RTN4R: variants seen among roughly 807,000 people sequenced by gnomAD.
The protein encoded by RTN4R is reticulon-4 receptor.
In RTN4R, 4 loss-of-function variants were observed where a neutral mutation model predicts 27.7. That is an observed-to-expected ratio of 0.14 (90% CI 0.07 to 0.33). The LOEUF is 0.33. Among genes scored for constraint, RTN4R ranks in the 10% least tolerant of loss-of-function variants. The pLI, the probability that RTN4R is intolerant of heterozygous loss-of-function variation, is 1.00. For synonymous variants in RTN4R, 290 were observed against 305.6 expected (o/e 0.95, Z 0.53); for missense variants, 554 against 671.5 (o/e 0.83, Z 1.93).
intron 1 of RTN4R, among the ~76,000 whole-genome samples, chr22:20,263,058 A>T (rs543845454): frequency 6.6e-6 from 1 of 152,350 alleles, no homozygotes; most frequent in Non-Finnish European, 1.5e-5. Flanking sequence ...ACCCAGCCTC[A>T]GCCTTGGCCT....
At chr22:20,260,870 C>T (rs941974272) in intron 1 of RTN4R, among the ~76,000 whole-genome samples, 2 of 152,166 alleles carry the variant, frequency 1.3e-5, no homozygotes, top group African/African-American at 2.4e-5. Flanking sequence ...CAAACTGCGC[C>T]GTAGGCTCCT....
At chr22:20,254,410 C>T (rs2051201060) in intron 1 of RTN4R, among the ~76,000 whole-genome samples, 1 of 150,408 alleles carries the variant, frequency 6.6e-6, no homozygotes, top group Non-Finnish European at 1.5e-5. Context: ...GCCTGGGTGA[C>T]AGAGTGAGAC....
intron 1 of RTN4R, among the ~76,000 whole-genome samples, chr22:20,260,257 C>T (rs2051237306): frequency 6.6e-6 from 1 of 152,180 alleles, no homozygotes; most frequent in African/African-American, 2.4e-5. Context: ...TGGGCTACCA[C>T]CTCATACAGC....
At chr22:20,266,490 C>T (rs1174587660) in intron 1 of RTN4R, among the ~76,000 whole-genome samples, 1 of 152,192 alleles carries the variant, frequency 6.6e-6, no homozygotes, top group Non-Finnish European at 1.5e-5. Context: ...GGAGGCGGGG[C>T]CTCTGCAGTC....
At chr22:20,251,114 GCAC>G (rs2051174374) in intron 1 of RTN4R, among the ~76,000 whole-genome samples, 1 of 152,118 alleles carries the variant, frequency 6.6e-6, no homozygotes, top group Non-Finnish European at 1.5e-5. Context: ...GCCTCTCCCT[GCAC>G]CTTGTATCAG....
intron 1 of RTN4R, among the ~76,000 whole-genome samples, chr22:20,266,882 A>C (rs1321181831): frequency 1.3e-5 from 2 of 152,236 alleles, no homozygotes; most frequent in African/African-American, 4.8e-5. Flanking sequence ...CAAGTTACAC[A>C]CACGCACACA....
chr22:20,244,991 G>A (rs1179301938), intron 1 of RTN4R, among the ~76,000 whole-genome samples: 1 of 152,176 alleles, frequency 6.6e-6, no homozygotes, highest in African/African-American at 2.4e-5. Context: ...TGTGGCTCCA[G>A]GCCCGAAGCT....
intron 1 of RTN4R, among the ~76,000 whole-genome samples, chr22:20,264,856 C>T (rs1014102031): frequency 1.3e-5 from 2 of 152,284 alleles, no homozygotes; most frequent in South Asian, 2.1e-4. Context: ...AGAATGGGGG[C>T]GGGACGGCAT....
intron 1 of RTN4R, among the ~76,000 whole-genome samples, 182 bp downstream of exon 1, chr22:20,267,889 C>T (rs1479428347): frequency 1.3e-5 from 2 of 151,910 alleles, no homozygotes; most frequent in African/African-American, 4.8e-5. Context: ...GCTCCGCCCT[C>T]CCGGGGCCGG....
chr22:20,265,142 G>T (rs1463082450), intron 1 of RTN4R, among the ~76,000 whole-genome samples: 1 of 152,216 alleles, frequency 6.6e-6, no homozygotes, highest in East Asian at 1.9e-4. Context: ...TGCACCGGCT[G>T]CACAGGGCCG....
chr22:20,246,281 G>A (rs779700394), intron 1 of RTN4R, among the ~76,000 whole-genome samples: 1 of 152,200 alleles, frequency 6.6e-6, no homozygotes, highest in Non-Finnish European at 1.5e-5. Context: ...GACTGGGCAG[G>A]GTAGGACCCA....
In RTN4R at chr22:20,268,303, G is replaced by GGGCCGGGGCGGGGCCTC. The variant is rs1569044621; in HGVS notation, c.-212_-211insGAGGCCCCGCCCCGGCC. The GGGCCGGGGCGGGGCCTC allele has an allele frequency of 6.9e-6, 1 of 144,986 alleles. No homozygotes were observed. Among genetic ancestry groups the GGGCCGGGGCGGGGCCTC allele is most frequent in the African/African-American group, 2.5e-5 (1 of 40,212 alleles). The allele number at this position is 144,986 out of a possible 1,614,324, so 9.0% of individuals were successfully genotyped here. On this transcript the variant is annotated 5_prime_UTR_variant, in exon 1 of 2. Coordinates refer to ENST00000043402, the MANE Select transcript of RTN4R (RefSeq NM_023004.6). ...CGCGCAGGGCGCACAGGGCGAGGGC[G>GGGCCGGGGCGGGGCCTC]GCGGCGGCGCGGGGGTTGGGGCGTG...
chr22:20,244,630 C>T (rs368509719), intron 1 of RTN4R, among the ~76,000 whole-genome samples: 1 of 152,128 alleles, frequency 6.6e-6, no homozygotes, highest in Admixed American at 6.5e-5. Context: ...GTTTAAACTG[C>T]GGACACCCTC....
In RTN4R at chr22:20,255,555, G is replaced by C. The variant is rs2051207105; in HGVS notation, c.23-12445C>G. 1.3e-5 allele frequency among the ~76,000 whole-genome samples: 2 copies of C among 152,234 alleles called. No homozygotes were observed. Among genetic ancestry groups the C allele is most frequent in the South Asian group, 4.1e-4 (2 of 4,834 alleles). On this transcript the variant is annotated intron_variant, in intron 1 of 1. Coordinates refer to ENST00000043402, the MANE Select transcript of RTN4R (RefSeq NM_023004.6). The surrounding 1 kb of genome is among the most constrained non-coding windows in gnomAD (Gnocchi z 4.8). Reference sequence around the variant, plus strand: ...CCAGACACCCGAAGGGGCAGCTTCTGGCCTAAAAGCCCAACTCTGTGCTTG... The same window carrying C: ...CCAGACACCCGAAGGGGCAGCTTCTCGCCTAAAAGCCCAACTCTGTGCTTG...
intron 1 of RTN4R, among the ~76,000 whole-genome samples, chr22:20,256,903 C>A (rs1008934661): frequency 3.9e-5 from 6 of 152,220 alleles, no homozygotes; most frequent in Admixed American, 3.9e-4. Flanking sequence ...CTCCTTGACA[C>A]CCCTCCACCT....
Position 20,242,398 on chromosome 22 carries a change from G to A in RTN4R, c.735C>T (p.Ala245=), listed in dbSNP as rs936657233. Residue 245 remains alanine (A), a synonymous_variant, in exon 2 of 2, where the codon GCC becomes GCT. Transcript: ENST00000043402. ...ACTGCAGGGCACGCAGGGGGGCCAG[G>A]GCCTCAGTGGGCAGCGCTGATAGAT... ...ANNLSALPTE[A]LAPLRALQYL... 9.3e-6 allele frequency: 15 copies of A among 1,612,982 alleles called. No homozygotes were observed. The African/African-American group carries it at 1.9e-4, about 20-fold the overall frequency.
chr22:20,245,672 C>T (rs767334695), intron 1 of RTN4R, among the ~76,000 whole-genome samples: 8 of 152,318 alleles, frequency 5.3e-5, no homozygotes, highest in East Asian at 3.9e-4. Flanking sequence ...CTGGCCCTCT[C>T]GCCCACCTTT....
chr22:20,256,874 G>A (rs1280750430), intron 1 of RTN4R, among the ~76,000 whole-genome samples: 2 of 152,220 alleles, frequency 1.3e-5, no homozygotes, highest in Non-Finnish European at 2.9e-5. Flanking sequence ...AGGCACTTCT[G>A]TGGGCCCACT....
chr22:20,249,567 T>C (rs2051162948), intron 1 of RTN4R, among the ~76,000 whole-genome samples: 1 of 152,122 alleles, frequency 6.6e-6, no homozygotes, highest in Non-Finnish European at 1.5e-5. Flanking sequence ...ATGGGACCCC[T>C]GGGGGTGCAC....
Sources: allele counts gnomAD v4.1 joint callset (sites outside exome capture counted in the v4.1 genomes callset), GRCh38; gene constraint gnomAD v4.1.1; non-coding constraint Gnocchi (gnomAD v3.1); transcripts MANE v1.5; gene names NCBI Gene and HGNC (gene_info 2026-07-23, HGNC 2026-07-21).